Variants in DNAH14 observed in about 807,000 individuals in gnomAD.
The protein encoded by DNAH14 is axonemal beta dynein heavy chain 14.
Under a neutral mutation model 520.9 loss-of-function variants are expected in DNAH14, and 478 were observed. The ratio of observed to expected loss-of-function variants is 0.92; its 90% confidence interval spans 0.85 to 0.99. The LOEUF is 0.99. DNAH14 is among the 50% of genes least tolerant of loss of function. DNAH14 has a pLI of 0.00. For missense variants in DNAH14, 4,831 were observed against 5,234.5 expected (o/e 0.92, Z 2.38); for synonymous variants, 1,581 against 1,757.2 (o/e 0.90, Z 2.51).
chr1:225,045,014 A>G (rs1311994454), intron 15 of DNAH14, among the ~76,000 whole-genome samples: 2 of 152,046 alleles, frequency 1.3e-5, no homozygotes, highest in South Asian at 4.1e-4. Flanking sequence ...TCCTTTGTAT[A>G]CTTGTGATTT....
Position 225,085,710 on chromosome 1 carries a change from A to G in DNAH14, c.3494A>G (p.Asp1165Gly). 1 of 1,551,462 alleles carries G rather than the reference A, an allele frequency of 6.4e-7. No homozygotes were observed. Among genetic ancestry groups the G allele is most frequent in the Non-Finnish European group, 8.7e-7 (1 of 1,146,794 alleles). The change falls in exon 21 of 86, where the codon GAT becomes GGT. Residue 1165 changes from aspartate to glycine, a missense_variant. By Grantham distance (94) the Asp-to-Gly change is moderately conservative. Transcript: ENST00000682510. ...TCTATCTTCATAATTCCATCTATAG[A>G]TGACATATCAGCTCAGTTAGAAGAG... ...IYSIFIIPSI[D>G]DISAQLEESQ...
At chr1:224,937,482 AAATC>A (rs1002792400) in intron 1 of DNAH14, among the ~76,000 whole-genome samples, 1 of 151,996 alleles carries the variant, frequency 6.6e-6, no homozygotes, top group Non-Finnish European at 1.5e-5. Flanking sequence ...AAATACCTAG[AAATC>A]AATCTAATCA....
At chr1:225,019,433 A>G (rs1340889596) in intron 10 of DNAH14, among the ~76,000 whole-genome samples, 1 of 152,230 alleles carries the variant, frequency 6.6e-6, no homozygotes, top group Non-Finnish European at 1.5e-5. Context: ...AAGTACTGAG[A>G]GTCCTACAAA....
intron 17 of DNAH14, among the ~76,000 whole-genome samples, chr1:225,061,273 A>C (rs1387204634): frequency 1.3e-5 from 2 of 152,162 alleles, no homozygotes; most frequent in African/African-American, 2.4e-5. Flanking sequence ...CTGCTGTGCT[A>C]GCAATGAGCG....
chr1:225,197,382 A>AT (rs34212544), intron 38 of DNAH14, among the ~76,000 whole-genome samples: 9,532 of 151,836 alleles, frequency 0.063, 412 homozygotes, highest in Non-Finnish European at 0.092. Context: ...GATTCTCTAT[A>AT]TTTTTCCATT....
intron 7 of DNAH14, chr1:224,969,294 C>G (rs765788686): frequency 6.0e-6 from 1 of 167,268 alleles, no homozygotes; most frequent in African/African-American, 2.4e-5. Context: ...TCTGGAACAA[C>G]GCAAGGGTTA....
At chr1:225,369,528 G>A (rs2095592937) in intron 77 of DNAH14, among the ~76,000 whole-genome samples, 2 of 151,436 alleles carry the variant, frequency 1.3e-5, no homozygotes, top group East Asian at 1.9e-4. Flanking sequence ...TGGTATACAT[G>A]TACATATATA....
At position 225,140,811 on chromosome 1, in the gene DNAH14, G is replaced by A. The variant is rs755366364; in HGVS notation, c.4298G>A (p.Ser1433Asn). 1 of 1,550,492 alleles carries A rather than the reference G, an allele frequency of 6.4e-7. No homozygotes were observed. The highest frequency in any genetic ancestry group is 1.2e-5 in the South Asian group (1 of 83,996). The change falls in exon 28 of 86, where the codon AGT becomes AAT. Residue 1433 changes from serine to asparagine, a missense_variant. Physicochemically the swap from Ser to Asn is conservative, Grantham distance 46. Transcript: ENST00000682510. ...AATGATTGTGTTAAAAGTTTTGTGA[G>A]TTCTTATTCAAGAGAAAAATTGGAA... is the stretch of plus-strand genomic sequence containing the variant. The part of the protein sequence containing the change: ...FYNDCVKSFV[S>N]SYSREKLEKV...
intron 42 of DNAH14, among the ~76,000 whole-genome samples, chr1:225,231,542 G>A (rs1233486411): frequency 6.6e-6 from 1 of 152,086 alleles, no homozygotes; most frequent in Admixed American, 6.6e-5. Flanking sequence ...TAGGTATCCA[G>A]AATAGAGCCT....
intron 61 of DNAH14, among the ~76,000 whole-genome samples, chr1:225,321,465 G>T (rs752021835): frequency 9.2e-5 from 14 of 152,198 alleles, no homozygotes; most frequent in Admixed American, 3.3e-4. Flanking sequence ...ATTCAAGGCA[G>T]AGGACCTTCT....
At chr1:225,138,245 G>T (rs190597068) in intron 27 of DNAH14, among the ~76,000 whole-genome samples, 1 of 152,286 alleles carries the variant, frequency 6.6e-6, no homozygotes, top group East Asian at 1.9e-4. Context: ...GCACTGTGGG[G>T]GGCCCCTCCT....
chr1:225,301,756 TAAC>T (rs1450933616), intron 56 of DNAH14, among the ~76,000 whole-genome samples: 1 of 152,110 alleles, frequency 6.6e-6, no homozygotes, highest in Admixed American at 6.5e-5. Context: ...CTCAACTTAG[TAAC>T]AACATTACTA....
At chr1:225,210,916 C>A (rs2088302910) in intron 41 of DNAH14, among the ~76,000 whole-genome samples, 1 of 152,146 alleles carries the variant, frequency 6.6e-6, no homozygotes, top group Non-Finnish European at 1.5e-5. Flanking sequence ...AGAGTCCTGA[C>A]TATTAGAAGG....
At chr1:225,374,421 C>T (rs914210001) in intron 77 of DNAH14, among the ~76,000 whole-genome samples, 16 of 150,320 alleles carry the variant, frequency 1.1e-4, no homozygotes, top group African/African-American at 1.5e-4. Flanking sequence ...CCACCATGCC[C>T]GGCTAATTTT....
At chr1:225,105,421 G>A (rs1323263328) in intron 23 of DNAH14, among the ~76,000 whole-genome samples, 2 of 152,148 alleles carry the variant, frequency 1.3e-5, no homozygotes, top group Non-Finnish European at 2.9e-5. Flanking sequence ...GCAGAGCTGA[G>A]TTCAATTCCT....
chr1:225,259,022 A>C, intron 45 of DNAH14, 99 bp from the exon 46 acceptor site: 5 of 1,275,294 alleles, frequency 3.9e-6, no homozygotes, highest in Non-Finnish European at 5.2e-6. Context: ...CTTTTTATGC[A>C]ATTTTCAATT....
chr1:225,022,248 A>G (rs10915761), intron 10 of DNAH14, among the ~76,000 whole-genome samples: 6,363 of 152,278 alleles, frequency 0.042, 390 homozygotes, highest in African/African-American at 0.13. Context: ...AAAATTGATA[A>G]GTGGGACCTA....
intron 43 of DNAH14, among the ~76,000 whole-genome samples, chr1:225,251,439 G>T (rs1338048890): frequency 6.6e-6 from 1 of 152,134 alleles, no homozygotes; most frequent in Non-Finnish European, 1.5e-5. Flanking sequence ...CTCCCAAAGT[G>T]CAGGGATTAC....
At chr1:225,267,091 A>G (rs796640126) in intron 49 of DNAH14, among the ~76,000 whole-genome samples, 4 of 152,034 alleles carry the variant, frequency 2.6e-5, no homozygotes, top group Non-Finnish European at 4.4e-5. Flanking sequence ...CCATGCATCA[A>G]ATTTTAGTTA....
Sources: allele counts gnomAD v4.1 joint callset (sites outside exome capture counted in the v4.1 genomes callset), GRCh38; gene constraint gnomAD v4.1.1; transcripts MANE v1.5; gene names NCBI Gene and HGNC (gene_info 2026-07-23, HGNC 2026-07-21).